Variants in ANAPC10 observed in about 807,000 individuals in gnomAD.
ANAPC10 encodes the protein anaphase promoting complex subunit 10, also known as anaphase-promoting complex subunit 10.
Under a neutral mutation model 22.0 loss-of-function variants are expected in ANAPC10, and 12 were observed. That is an observed-to-expected ratio of 0.55 (90% CI 0.35 to 0.88). The LOEUF (loss-of-function observed/expected upper bound fraction) is 0.88, where lower values mean the gene tolerates loss of function less well. Ranked by LOEUF, ANAPC10 falls within the 40% of genes least tolerant of loss-of-function variation. The probability of loss-of-function intolerance (pLI) is 0.01; values close to 1 mark genes in which losing one functional copy is unlikely to be tolerated. For missense variants in ANAPC10, 188 were observed against 220.9 expected (o/e 0.85, Z 0.94); for synonymous variants, 65 against 69.5 (o/e 0.94, Z 0.32).
intron 4 of ANAPC10, among the ~76,000 whole-genome samples, chr4:145,030,190 CAG>C (rs1306423409): frequency 6.6e-6 from 1 of 152,132 alleles, no homozygotes; most frequent in Admixed American, 6.5e-5. Flanking sequence ...CTTATACAAA[CAG>C]AAAACTTCTA....
rs1360099047 is a variant in ANAPC10 at position 144,994,732 on chromosome 4, T to TTC, written c.*640_*641insGA. On this transcript the variant is annotated 3_prime_UTR_variant, in exon 5 of 5. Transcript: ENST00000507656. ...GAACTCTTCCATAAGTACTGCTAGA[T>TTC]TATACAGGCAATCTTTACATAATAT... 6.6e-6 allele frequency: 1 copy of TTC among 152,106 alleles called. No individual in the cohort carries two copies. The highest frequency in any genetic ancestry group is 1.9e-4 in the East Asian group (1 of 5,194). The allele number at this position is 152,106 out of a possible 1,614,324, so 9.4% of individuals were successfully genotyped here. A position where few individuals can be genotyped will look rare whatever the true frequency, so the allele number is the denominator to read the frequency against.
chr4:145,034,786 C>A (rs1000383363), intron 4 of ANAPC10, among the ~76,000 whole-genome samples: 2 of 151,656 alleles, frequency 1.3e-5, no homozygotes, highest in Non-Finnish European at 2.9e-5. Context: ...GCTGCAGTGC[C>A]GGTCTAAGGA....
chr4:145,078,441 T>C (rs913417727), intron 3 of ANAPC10, among the ~76,000 whole-genome samples: 1 of 151,474 alleles, frequency 6.6e-6, no homozygotes, highest in Non-Finnish European at 1.5e-5. Flanking sequence ...TAAAAAAAAA[T>C]GGTCATAACT....
At chr4:145,005,833 T>C (rs1733257632) in intron 4 of ANAPC10, among the ~76,000 whole-genome samples, 3 of 152,118 alleles carry the variant, frequency 2.0e-5, no homozygotes, top group Non-Finnish European at 4.4e-5. Context: ...ATGGTTTGTA[T>C]AATTTCAGTT....
rs190184055 is a variant in ANAPC10, at chr4:145,052,843, G to A, written c.327+11729C>T. Among the ~76,000 whole-genome samples the A allele has an allele frequency of 4.1e-4, 61 of 147,886 alleles. 1 individual carries two copies. In the East Asian group the frequency reaches 0.01, roughly 25 times the overall value. ...GCGAAGGTTGCAGTGAGCCGAGATT[G>A]CACCACTGCACTCCTGCCTGGGCAA... On this transcript the variant is annotated intron_variant, in intron 4 of 4. Transcript: ENST00000507656.
chr4:145,003,104 G>T (rs922336711), intron 4 of ANAPC10, among the ~76,000 whole-genome samples: 2 of 152,254 alleles, frequency 1.3e-5, no homozygotes, highest in East Asian at 1.9e-4. Context: ...TTAAAAGTGA[G>T]ATCATGCAGT....
chr4:144,995,672 C>A (rs1731502674), intron 4 of ANAPC10, 69 bp from the exon 5 acceptor site: 1 of 1,002,476 alleles, frequency 1.0e-6, no homozygotes, highest in Non-Finnish European at 1.5e-6. Context: ...TGAATGCATT[C>A]TATAATAAAA....
At chr4:145,027,982 G>C (rs1737000136) in intron 4 of ANAPC10, among the ~76,000 whole-genome samples, 1 of 152,192 alleles carries the variant, frequency 6.6e-6, no homozygotes, top group Admixed American at 6.6e-5. Flanking sequence ...CTGTGTCTGA[G>C]AAGCAGACAC....
intron 3 of ANAPC10, among the ~76,000 whole-genome samples, chr4:145,073,447 A>G (rs1424557619): frequency 6.6e-6 from 1 of 152,236 alleles, no homozygotes; most frequent in African/African-American, 2.4e-5. Flanking sequence ...TATAAAGTTT[A>G]AAATTTATGA....
chr4:144,995,533 C>T lies in ANAPC10; in HGVS notation c.398G>A (p.Arg133His), dbSNP rs779792432. ...PLTDNHKKPT[R>H]TFMIQIAVLA... ...AACAGCAATCTGTATCATGAATGTA[C>T]GAGTTGGCTTCTTATGATTGTCAGT... Residue 133 changes from arginine to histidine, a missense_variant, in exon 5 of 5, where the codon CGT becomes CAT. Coordinates refer to ENST00000507656, the MANE Select transcript of ANAPC10 (RefSeq NM_001256706.2). 7 of 1,613,712 alleles carry T rather than the reference C, an allele frequency of 4.3e-6. No individual in the cohort carries two copies. Among genetic ancestry groups the T allele is most frequent in the African/African-American group, 4.0e-5 (3 of 74,878 alleles).
At chr4:145,022,514 G>A (rs1736098921) in intron 4 of ANAPC10, among the ~76,000 whole-genome samples, 1 of 151,888 alleles carries the variant, frequency 6.6e-6, no homozygotes, top group Non-Finnish European at 1.5e-5. Context: ...GGACTTGGGG[G>A]AAAGTGGGGG....
At chr4:145,020,142 C>G (rs1325477044) in intron 4 of ANAPC10, among the ~76,000 whole-genome samples, 1 of 151,908 alleles carries the variant, frequency 6.6e-6, no homozygotes, top group African/African-American at 2.4e-5. Flanking sequence ...GAAAGAAAAC[C>G]ACAGACCCAT....
At chr4:145,026,653 A>C (rs1373276534) in intron 4 of ANAPC10, among the ~76,000 whole-genome samples, 1 of 151,820 alleles carries the variant, frequency 6.6e-6, no homozygotes, top group Non-Finnish European at 1.5e-5. Context: ...AAAATAGTCA[A>C]GGATCTCCTG....
intron 2 of ANAPC10, among the ~76,000 whole-genome samples, chr4:145,086,620 T>G (rs548853848): frequency 1.5e-3 from 221 of 152,232 alleles, no homozygotes; most frequent in Non-Finnish European, 2.6e-3. Context: ...AAGGCAAGGT[T>G]TCTCAATCAT....
chr4:145,029,152 G>A (rs2127041849), intron 4 of ANAPC10, among the ~76,000 whole-genome samples: 1 of 152,292 alleles, frequency 6.6e-6, no homozygotes, highest in South Asian at 2.1e-4. Flanking sequence ...TGGGGACACT[G>A]AGTTCGTAAA....
At chr4:145,075,388 C>T (rs1485000285) in intron 3 of ANAPC10, among the ~76,000 whole-genome samples, 1 of 151,764 alleles carries the variant, frequency 6.6e-6, no homozygotes, top group Non-Finnish European at 1.5e-5. Context: ...TTTTAGCAAC[C>T]ATCTTAAATA....
intron 4 of ANAPC10, among the ~76,000 whole-genome samples, chr4:145,055,733 A>C (rs916354031): frequency 4.6e-5 from 7 of 152,098 alleles, no homozygotes; most frequent in Admixed American, 2.6e-4. Flanking sequence ...AAAAACTAGA[A>C]CAGTGCTCAC....
At chr4:145,022,558 A>G (rs1243407132) in intron 4 of ANAPC10, among the ~76,000 whole-genome samples, 1 of 152,048 alleles carries the variant, frequency 6.6e-6, no homozygotes, top group Non-Finnish European at 1.5e-5. Flanking sequence ...AGGGTGGTGC[A>G]ATGTATACTG....
chr4:145,017,368 A>C (rs1479544712), intron 4 of ANAPC10, among the ~76,000 whole-genome samples: 1 of 152,246 alleles, frequency 6.6e-6, no homozygotes, highest in Non-Finnish European at 1.5e-5. Context: ...CACATGAAAA[A>C]ATGCTCATCA....
Sources: gnomAD v4.1 joint callset for allele counts (sites outside exome capture counted in the v4.1 genomes callset) on GRCh38, gnomAD v4.1.1 for gene constraint, MANE v1.5 for transcripts, NCBI Gene and HGNC (gene_info 2026-07-23, HGNC 2026-07-21) for gene names.